ATF7: variants seen among roughly 807,000 people sequenced by gnomAD.
The protein encoded by ATF7 is activating transcription factor 7.
A neutral mutation model predicts 50.4 loss-of-function variants in ATF7; 10 were observed. The observed-to-expected ratio is 0.20, with a 90% confidence interval of 0.12 to 0.34. The LOEUF (loss-of-function observed/expected upper bound fraction) is 0.34, where lower values mean the gene tolerates loss of function less well. ATF7 is among the 10% of genes least tolerant of loss of function. The probability of loss-of-function intolerance (pLI) is 1.00; values close to 1 mark genes in which losing one functional copy is unlikely to be tolerated. For missense variants in ATF7, 465 were observed against 613.9 expected (o/e 0.76, Z 2.56); for synonymous variants, 201 against 226.4 (o/e 0.89, Z 1.01).
chr12:53,619,871 C>T (rs1344620972), intron 1 of ATF7, among the ~76,000 whole-genome samples: 1 of 151,856 alleles, frequency 6.6e-6, no homozygotes, highest in African/African-American at 2.4e-5. Flanking sequence ...TCTGGCCAGG[C>T]ACAGTAGCTC....
In ATF7 at chr12:53,554,870, G is replaced by GAAAAAAA. The variant is rs61675595; in HGVS notation, c.49-2240_49-2234dup. Among the ~76,000 whole-genome samples the GAAAAAAA allele has an allele frequency of 1.5e-3, 112 of 76,036 alleles. 2 individuals are homozygous for GAAAAAAA. Among genetic ancestry groups the GAAAAAAA allele is most frequent in the East Asian group, 2.0e-3 (5 of 2,542 alleles). 49.9% of individuals were successfully genotyped at this position (76,036 alleles called of 152,430 possible). A position where few individuals can be genotyped will look rare whatever the true frequency, so the allele number is the denominator to read the frequency against. ...AGAGGAAGACCTTGTCTCAAAAAAA[G>GAAAAAAA]AAAAAAAAAAAAAAAAAAAAAAAAG... On this transcript the variant is annotated intron_variant, in intron 2 of 11. Transcript: ENST00000420353.
At chr12:53,543,823 T>G in intron 3 of ATF7, 1 of 184,104 alleles carries the variant, frequency 5.4e-6, no homozygotes, top group Non-Finnish European at 1.1e-5. Context: ...AAGCAATATT[T>G]TCTTTCGTAA....
downstream of ATF7, among the ~76,000 whole-genome samples, chr12:53,511,545 C>T (rs991748130): frequency 6.6e-6 from 1 of 152,188 alleles, no homozygotes; most frequent in African/African-American, 2.4e-5. Flanking sequence ...CCACCATGCC[C>T]GGTTTTCTTA....
intron 2 of ATF7, 145 bp from the exon 3 acceptor site, chr12:53,552,782 G>T (rs1940462801): frequency 1.5e-6 from 1 of 659,486 alleles, no homozygotes. Context: ...TGGAAGAGGA[G>T]AAGAGATGGA....
intron 9 of ATF7, among the ~76,000 whole-genome samples, chr12:53,526,160 A>G (rs1486651929): frequency 3.3e-5 from 5 of 149,642 alleles, no homozygotes; most frequent in Non-Finnish European, 7.4e-5. Context: ...GTGAGCTGAG[A>G]TTGAGCCACT....
intron 9 of ATF7, among the ~76,000 whole-genome samples, chr12:53,531,532 T>C (rs1220425044): frequency 6.6e-6 from 1 of 152,112 alleles, no homozygotes; most frequent in Non-Finnish European, 1.5e-5. Flanking sequence ...GTTTTTGTTA[T>C]TACATGATGG....
chr12:53,595,501 G>C (rs1943116600), intron 2 of ATF7, among the ~76,000 whole-genome samples: 1 of 152,186 alleles, frequency 6.6e-6, no homozygotes. Flanking sequence ...AATCTCTATA[G>C]ATTTGTGTTA....
chr12:53,525,111 T>C lies in ATF7; in HGVS notation c.928-350A>G, dbSNP rs1398459184. 2.2e-5 allele frequency: 4 copies of C among 180,614 alleles called. No homozygotes were observed. The East Asian group carries it at 6.4e-4, about 29-fold the overall frequency. The allele number at this position is 180,614 out of a possible 1,614,324, so 11.2% of individuals were successfully genotyped here. On this transcript the variant is annotated intron_variant, in intron 9 of 11. Transcript: ENST00000420353. ...GCTCGCGCCTGTAATCCCAGCACTT[T>C]GGGAGGCCGAGGCGGGCAGATCACC...
intron 1 of ATF7, 87 bp downstream of exon 1, chr12:53,626,192 G>C (rs1036213573): frequency 6.5e-6 from 1 of 153,158 alleles, no homozygotes; most frequent in African/African-American, 2.4e-5. Flanking sequence ...TGGGAGGGGA[G>C]ACCCCAGCCT....
At chr12:53,601,069 C>CA (rs369709383) in intron 1 of ATF7, 48 bp from the exon 2 acceptor site, 52,423 of 933,350 alleles carry the variant, frequency 0.056, 80 homozygotes, top group East Asian at 0.13. Context: ...TATGCTGGAG[C>CA]AAAAAAAAAA....
At chr12:53,553,661 AAAC>A (rs1337354026) in intron 2 of ATF7, among the ~76,000 whole-genome samples, 1 of 152,202 alleles carries the variant, frequency 6.6e-6, no homozygotes, top group Non-Finnish European at 1.5e-5. Context: ...TCCTTCATTA[AAAC>A]ATGACTGCAA....
chr12:53,579,572 G>A (rs1448763432), intron 2 of ATF7, among the ~76,000 whole-genome samples: 4 of 150,326 alleles, frequency 2.7e-5, no homozygotes, highest in Non-Finnish European at 4.4e-5. Flanking sequence ...AAAAAAAAGC[G>A]TGGAGTGTGC....
At position 53,599,979 on chromosome 12, in the gene ATF7, C is replaced by G. The variant is rs1389844784; in HGVS notation, c.48+974G>C. On this transcript the variant is annotated intron_variant, in intron 2 of 11. Transcript: ENST00000420353. ...AAAAAAGGCGATTTCAACAAAATTA[C>G]TTTATTAAAAAAGCATATGATGAAA... Among the ~76,000 whole-genome samples, 3 of 151,972 alleles carry G rather than the reference C, an allele frequency of 2.0e-5. No individual in the cohort carries two copies. The East Asian group carries it at 5.8e-4, about 29-fold the overall frequency.
intron 2 of ATF7, among the ~76,000 whole-genome samples, chr12:53,591,717 G>T (rs1942944063): frequency 6.6e-6 from 1 of 152,298 alleles, no homozygotes; most frequent in East Asian, 1.9e-4. Flanking sequence ...GGAGAAAGGA[G>T]GTGTTCCTTT....
intron 1 of ATF7, among the ~76,000 whole-genome samples, chr12:53,619,348 C>T (rs1012301434): frequency 3.3e-5 from 5 of 151,472 alleles, no homozygotes; most frequent in African/African-American, 1.2e-4. Context: ...ATTAGCCAGG[C>T]GTGGTGGCAT....
At chr12:53,599,091 G>A in intron 2 of ATF7, among the ~76,000 whole-genome samples, 1 of 152,120 alleles carries the variant, frequency 6.6e-6, no homozygotes, top group East Asian at 1.9e-4. Flanking sequence ...GAGTGCAGTG[G>A]CATGATCATG....
At position 53,517,180 on chromosome 12, in the gene ATF7, G is replaced by A. The variant is rs1461064502; in HGVS notation, c.1409C>T (p.Ser470Leu). 6.2e-7 allele frequency: 1 copy of A among 1,613,864 alleles called. No individual in the cohort carries two copies. The highest frequency in any genetic ancestry group is 8.5e-7 in the Non-Finnish European group (1 of 1,179,892). Reference sequence around the variant, plus strand: ...GGACTGTGGGGTCATGATTACATGCGATTGTATCGGCATGCTCAGTTCTGT... The same window carrying A: ...GGACTGTGGGGTCATGATTACATGCAATTGTATCGGCATGCTCAGTTCTGT... ...QRTELSMPIQ[S>L]HVIMTPQSQS... The change falls in exon 12 of 12, where the codon TCG becomes TTG. Residue 470 changes from serine (S) to leucine (L), a missense_variant. Transcript: ENST00000420353.
chr12:53,566,223 C>T (rs1211414503), intron 2 of ATF7, among the ~76,000 whole-genome samples: 1 of 152,162 alleles, frequency 6.6e-6, no homozygotes, highest in East Asian at 1.9e-4. Flanking sequence ...TATAAACTAT[C>T]AGTCCTGAGA....
chr12:53,585,993 G>A (rs919884219), intron 2 of ATF7, among the ~76,000 whole-genome samples: 1 of 152,186 alleles, frequency 6.6e-6, no homozygotes, highest in Non-Finnish European at 1.5e-5. Flanking sequence ...CTATGTATGT[G>A]AATACAATCT....
Sources: gnomAD v4.1 joint callset for allele counts (sites outside exome capture counted in the v4.1 genomes callset) on GRCh38, gnomAD v4.1.1 for gene constraint, MANE v1.5 for transcripts, NCBI Gene and HGNC (gene_info 2026-07-23, HGNC 2026-07-21) for gene names.